RPRD1B: variants seen among roughly 807,000 people sequenced by gnomAD.
The protein encoded by RPRD1B is regulation of nuclear pre-mRNA domain-containing protein 1B.
Under a neutral mutation model 41.5 loss-of-function variants are expected in RPRD1B, and 11 were observed. The ratio of observed to expected loss-of-function variants is 0.27; its 90% CI spans 0.17 to 0.44. The LOEUF (loss-of-function observed/expected upper bound fraction) is 0.44. Ranked by LOEUF, RPRD1B falls within the 20% of genes least tolerant of loss-of-function variation. RPRD1B has a pLI of 1.00. For synonymous variants in RPRD1B, 158 were observed against 155.6 expected (o/e 1.02, Z -0.12); for missense variants, 248 against 389.9 (o/e 0.64, Z 3.06).
chr20:38,080,160 G>C (rs1294035822), intron 6 of RPRD1B, among the ~76,000 whole-genome samples: 1 of 152,208 alleles, frequency 6.6e-6, no homozygotes, highest in East Asian at 1.9e-4. Flanking sequence ...CTCCCATTCT[G>C]TAAGTTGTCT....
chr20:38,045,757 C>T (rs2074114561), intron 2 of RPRD1B, among the ~76,000 whole-genome samples: 1 of 152,158 alleles, frequency 6.6e-6, no homozygotes. Flanking sequence ...GTTTCTCTTT[C>T]TTTTAAGCGA....
chr20:38,068,974 A>G (rs1360844209), intron 6 of RPRD1B, among the ~76,000 whole-genome samples: 4 of 152,232 alleles, frequency 2.6e-5, no homozygotes, highest in Admixed American at 2.6e-4. Flanking sequence ...AATGCTAATT[A>G]AATATTTTAT....
chr20:38,067,863 C>T (rs182071642), intron 6 of RPRD1B, among the ~76,000 whole-genome samples: 2 of 152,352 alleles, frequency 1.3e-5, no homozygotes, highest in East Asian at 1.9e-4. Flanking sequence ...TGTAAGTCAC[C>T]ATGCCATCTG....
At chr20:38,080,392 G>C (rs1292200998) in intron 6 of RPRD1B, among the ~76,000 whole-genome samples, 3 of 152,172 alleles carry the variant, frequency 2.0e-5, no homozygotes, top group African/African-American at 7.2e-5. Flanking sequence ...AAAAGGAATG[G>C]GTCCAGTTTT....
At chr20:38,075,729 C>G (rs1261619753) in intron 6 of RPRD1B, among the ~76,000 whole-genome samples, 1 of 152,138 alleles carries the variant, frequency 6.6e-6, no homozygotes, top group African/African-American at 2.4e-5. Context: ...GAGTCATTTT[C>G]TGAGATCAGG....
chr20:38,084,410 A>G (rs1160215800), intron 6 of RPRD1B, among the ~76,000 whole-genome samples: 1 of 152,194 alleles, frequency 6.6e-6, no homozygotes, highest in Non-Finnish European at 1.5e-5. Context: ...TCTACTTAGC[A>G]AGAAGGAAAA....
At chr20:38,041,740 T>C (rs1484939548) in intron 2 of RPRD1B, among the ~76,000 whole-genome samples, 2 of 152,212 alleles carry the variant, frequency 1.3e-5, no homozygotes, top group Non-Finnish European at 2.9e-5. Context: ...ACTTAACTTT[T>C]TGAGCCCAAA....
rs542509130 is a variant in RPRD1B at position 38,081,218 on chromosome 20, G to A, written c.832-8508G>A. On this transcript the variant is annotated intron_variant, in intron 6 of 6. Transcript: ENST00000373433. ...CATGAGCATAGAAGTTTTTCCATTT[G>A]TTTATGTTGTCTCTGACTTCTTTGA... 4.2e-5 allele frequency among the ~76,000 whole-genome samples: 4 copies of A among 95,270 alleles called. No individual in the cohort carries two copies. In the South Asian group the frequency reaches 1.5e-3, roughly 37 times the overall value. The allele number at this position is 95,270 out of a possible 152,430, so 62.5% of individuals were successfully genotyped here.
Position 38,045,297 on chromosome 20 carries a change from AAT to A in RPRD1B, c.282-3048_282-3047del, listed in dbSNP as rs755617668. 5.9e-5 allele frequency among the ~76,000 whole-genome samples: 9 copies of A among 152,304 alleles called. No individual in the cohort carries two copies. In the East Asian group the frequency reaches 1.7e-3, roughly 29 times the overall value. On this transcript the variant is annotated intron_variant, in intron 2 of 6. Transcript: ENST00000373433. ...TAGATTGGAGTTAGTACAACCTGAA[AAT>A]ATTTCTCTTTCTGTTATAAAACGGC...
rs188527488 is a variant in RPRD1B at position 38,069,644 on chromosome 20, A to T, written c.831+3388A>T. 3.4e-3 allele frequency among the ~76,000 whole-genome samples: 513 copies of T among 152,360 alleles called. 1 individual carries two copies. The highest frequency in any genetic ancestry group is 6.8e-3 in the Middle Eastern group (2 of 294). On this transcript the variant is annotated intron_variant, in intron 6 of 6. Transcript: ENST00000373433. Reference sequence around the variant, plus strand: ...GCCAGCCAGATGTACAAAGATGGGCACGATGCACTTCTCCCCTCAAAGGGC... The same window carrying T: ...GCCAGCCAGATGTACAAAGATGGGCTCGATGCACTTCTCCCCTCAAAGGGC...
chr20:38,046,312 A>G (rs140776342), intron 2 of RPRD1B, among the ~76,000 whole-genome samples: 12 of 152,294 alleles, frequency 7.9e-5, no homozygotes, highest in Middle Eastern at 3.4e-3. Flanking sequence ...GATTTCTGCC[A>G]TGACCTTGAT....
chr20:38,070,134 T>G (rs1267018364), intron 6 of RPRD1B: 1 of 912,632 alleles, frequency 1.1e-6, no homozygotes, highest in Admixed American at 6.2e-5. Context: ...TTCTCCTTTG[T>G]ACTACTTTTC....
chr20:38,059,219 T>G (rs1238306116), intron 4 of RPRD1B, among the ~76,000 whole-genome samples, 175 bp from the exon 5 acceptor site: 1 of 152,244 alleles, frequency 6.6e-6, no homozygotes, highest in African/African-American at 2.4e-5. Context: ...TTGTGGATTT[T>G]CTTAGAGTCC....
rs1474216148 is a variant in RPRD1B, at chr20:38,033,791, G to A, written c.-157G>A. The A allele has an allele frequency of 2.9e-6, 2 of 685,526 alleles. No individual in the cohort carries two copies. Among genetic ancestry groups the A allele is most frequent in the East Asian group, 3.0e-5 (1 of 33,830 alleles). 42.5% of individuals were successfully genotyped at this position (685,526 alleles called of 1,614,324 possible). The stretch of plus-strand genomic sequence containing the variant: ...CGGCGGCGCGGGCGGCTGTTACTGC[G>A]GAGACCCATCCCCTCCCCCTTCTCG... On this transcript the variant is annotated 5_prime_UTR_variant, in exon 1 of 7. Coordinates refer to ENST00000373433, the MANE Select transcript of RPRD1B (RefSeq NM_021215.4).
Position 38,066,163 on chromosome 20 carries a change from A to G in RPRD1B, c.738A>G (p.Ala246=), listed in dbSNP as rs2074352957. The G allele has an allele frequency of 6.2e-7, 1 of 1,614,238 alleles. No homozygotes were observed. Among genetic ancestry groups the G allele is most frequent in the Admixed American group, 1.7e-5 (1 of 60,030 alleles). The change falls in exon 6 of 7, where the codon GCA becomes GCG. Residue 246 remains alanine (A), a synonymous_variant. Transcript: ENST00000373433. ...LLAEYNGRLA[A]ELEDRRQLAR... is the part of the protein sequence containing the mutation. ...CAGAATATAACGGGCGCCTGGCAGC[A>G]GAACTGGAGGACCGTCGCCAGCTGG...
At chr20:38,070,186 C>T (rs1304264293) in intron 6 of RPRD1B, 2 of 984,706 alleles carry the variant, frequency 2.0e-6, no homozygotes, top group African/African-American at 1.7e-5. Flanking sequence ...CTGAGATAAT[C>T]ATCTTTTTTT....
chr20:38,059,616 A>C, intron 5 of RPRD1B, 96 bp downstream of exon 5: 1 of 1,187,970 alleles, frequency 8.4e-7, no homozygotes, highest in East Asian at 2.7e-5. Flanking sequence ...GGTATAGACT[A>C]CTTTCCATGT....
chr20:38,057,010 A>G (rs1297597696), intron 3 of RPRD1B, among the ~76,000 whole-genome samples: 1 of 152,232 alleles, frequency 6.6e-6, no homozygotes, highest in Admixed American at 6.5e-5. Context: ...CAGTAGTATC[A>G]ATCACATGTC....
chr20:38,087,639 T>C (rs1248608598), intron 6 of RPRD1B, among the ~76,000 whole-genome samples: 1 of 152,218 alleles, frequency 6.6e-6, no homozygotes, highest in East Asian at 1.9e-4. Flanking sequence ...ATTAGATGAA[T>C]CCGTGTCCAG....
Sources: allele counts gnomAD v4.1 joint callset (sites outside exome capture counted in the v4.1 genomes callset), GRCh38; gene constraint gnomAD v4.1.1; transcripts MANE v1.5; gene names NCBI Gene and HGNC (gene_info 2026-07-23, HGNC 2026-07-21).